The following MKLN1 variants were observed in gnomAD, a reference collection of about 807,000 sequenced individuals.
The protein encoded by MKLN1 is muskelin.
In MKLN1, 18 loss-of-function variants were observed where a neutral mutation model predicts 99.0. That is an observed-to-expected ratio of 0.18 (90% confidence interval 0.13 to 0.27). MKLN1 has a LOEUF of 0.27. MKLN1 is among the 10% of genes least tolerant of loss of function. MKLN1 has a pLI of 1.00. For synonymous variants in MKLN1, 288 were observed against 293.2 expected, an observed-to-expected ratio of 0.98 and a Z score of 0.18; for missense variants, 621 against 875.9, an observed-to-expected ratio of 0.71 and a Z score of 3.67.
Position 131,418,907 on chromosome 7 carries a change from T to C in MKLN1, c.847+4197T>C, listed in dbSNP as rs1039727648. Among the ~76,000 whole-genome samples, 5 of 152,152 alleles carry C rather than the reference T, an allele frequency of 3.3e-5. No homozygotes were observed. In the South Asian group the frequency reaches 1.0e-3, roughly 32 times the overall value. On this transcript the variant is annotated intron_variant, in intron 8 of 17. Coordinates refer to ENST00000352689, the MANE Select transcript of MKLN1 (RefSeq NM_013255.5). Reference sequence around the variant, plus strand: ...GAAAAGCTCTGAACTTTCACAAGACTGAAATTATGGTTCAGGTTAAATTAA... The same window carrying C: ...GAAAAGCTCTGAACTTTCACAAGACCGAAATTATGGTTCAGGTTAAATTAA...
intron 1 of MKLN1, among the ~76,000 whole-genome samples, chr7:131,352,429 AT>A (rs1413086080): frequency 2.0e-5 from 3 of 152,118 alleles, no homozygotes; most frequent in African/African-American, 4.8e-5. Flanking sequence ...TAGGAAATAA[AT>A]TTTTTTAAGA....
chr7:131,152,705 G>A (rs749731748), intron 2 of MKLN1, among the ~76,000 whole-genome samples: 8 of 151,520 alleles, frequency 5.3e-5, no homozygotes, highest in Non-Finnish European at 1.0e-4. Flanking sequence ...TCACCATGTT[G>A]GCCAGGGTGC....
At chr7:131,273,617 CTT>C (rs35752769) in intron 3 of MKLN1, among the ~76,000 whole-genome samples, 6,135 of 148,658 alleles carry the variant, frequency 0.041, 265 homozygotes, top group African/African-American at 0.11. Flanking sequence ...CTATGGCTGA[CTT>C]TTTTTTTCCT....
At chr7:131,194,273 C>T (rs886881233) in intron 2 of MKLN1, among the ~76,000 whole-genome samples, 8 of 152,126 alleles carry the variant, frequency 5.3e-5, no homozygotes, top group East Asian at 1.9e-4. Flanking sequence ...ATGTCCATTA[C>T]GCAATTGCTT....
At chr7:131,387,521 T>C (rs1032157345) in intron 3 of MKLN1, among the ~76,000 whole-genome samples, 1 of 152,194 alleles carries the variant, frequency 6.6e-6, no homozygotes, top group Non-Finnish European at 1.5e-5. Flanking sequence ...TTTAACTGTA[T>C]TTTTGAGCTG....
intron 9 of MKLN1, among the ~76,000 whole-genome samples, chr7:131,434,324 A>G (rs1237131192): frequency 2.0e-5 from 3 of 152,160 alleles, no homozygotes; most frequent in African/African-American, 4.8e-5. Context: ...CGTTAACTTG[A>G]TATCAGTGTA....
intron 16 of MKLN1, among the ~76,000 whole-genome samples, chr7:131,476,898 A>G (rs1240820581): frequency 6.6e-6 from 1 of 152,242 alleles, no homozygotes; most frequent in Non-Finnish European, 1.5e-5. Flanking sequence ...CAAATGGATC[A>G]GTACAACAGA....
intron 13 of MKLN1, among the ~76,000 whole-genome samples, chr7:131,463,695 G>A (rs181333484): frequency 1.5e-4 from 23 of 152,282 alleles, no homozygotes; most frequent in South Asian, 6.2e-4. Flanking sequence ...TTCATAAAAC[G>A]AAGAGGCTTG....
chr7:131,304,144 C>T (rs750320991), intron 3 of MKLN1, among the ~76,000 whole-genome samples: 1 of 152,130 alleles, frequency 6.6e-6, no homozygotes, highest in East Asian at 1.9e-4. Flanking sequence ...AAGGCTGAGG[C>T]GGGAGGATCT....
At chr7:131,405,770 A>G (rs983235692) in intron 6 of MKLN1, among the ~76,000 whole-genome samples, 3 of 152,158 alleles carry the variant, frequency 2.0e-5, no homozygotes, top group African/African-American at 7.2e-5. Flanking sequence ...ATAATTGCAT[A>G]GGGGCCAGAG....
In MKLN1 at chr7:131,255,007, TCAGCCTC is replaced by T. The variant is rs961957397; in HGVS notation, c.-179+52037_-179+52043del. Among the ~76,000 whole-genome samples the T allele has an allele frequency of 1.4e-4, 21 of 152,214 alleles. 1 individual carries two copies. Among genetic ancestry groups the T allele is most frequent in the African/African-American group, 5.1e-4 (21 of 41,544 alleles). ...CCTGGGCTCAAGGGATCCTCCTTCC[TCAGCCTC>T]CAGAGCTGGGAATACAGGCATGTGC... On this transcript the variant is annotated intron_variant, in intron 3 of 7. Coordinates refer to the MKLN1 transcript ENST00000416992.
At chr7:131,464,957 G>A (rs1200245398) in intron 14 of MKLN1, among the ~76,000 whole-genome samples, 2 of 152,186 alleles carry the variant, frequency 1.3e-5, no homozygotes, top group East Asian at 3.9e-4. Context: ...ATTGGACTTA[G>A]ATTACATAGT....
At chr7:131,394,202 G>T (rs1214356705) in intron 4 of MKLN1, among the ~76,000 whole-genome samples, 1 of 151,918 alleles carries the variant, frequency 6.6e-6, no homozygotes, top group Non-Finnish European at 1.5e-5. Flanking sequence ...AAACAGAAAG[G>T]CATATTAAAT....
chr7:131,354,468 T>C (rs1006385178), intron 1 of MKLN1, among the ~76,000 whole-genome samples: 1 of 151,408 alleles, frequency 6.6e-6, no homozygotes, highest in Admixed American at 6.6e-5. Flanking sequence ...GTTGATCTTA[T>C]ATCCTGCAAC....
intron 2 of MKLN1, among the ~76,000 whole-genome samples, chr7:131,173,659 CA>C (rs1204637117): frequency 6.6e-6 from 1 of 152,116 alleles, no homozygotes; most frequent in East Asian, 1.9e-4. Flanking sequence ...GTGGAGGTTG[CA>C]GTGAGTTGAG....
chr7:131,416,525 CT>C (rs71529704), intron 8 of MKLN1, among the ~76,000 whole-genome samples: 159 of 144,350 alleles, frequency 1.1e-3, no homozygotes, highest in Admixed American at 2.1e-3. Flanking sequence ...ATTTTTCTTT[CT>C]TTTTTTTTTT....
intron 1 of MKLN1, among the ~76,000 whole-genome samples, chr7:131,356,050 A>G (rs1799868197): frequency 6.6e-6 from 1 of 151,000 alleles, no homozygotes; most frequent in African/African-American, 2.4e-5. Flanking sequence ...TATACCTCCC[A>G]ATAGTTCCCC....
At chr7:131,152,673 T>C (rs866596770) in intron 2 of MKLN1, among the ~76,000 whole-genome samples, 2 of 151,840 alleles carry the variant, frequency 1.3e-5, no homozygotes, top group Non-Finnish European at 2.9e-5. Flanking sequence ...CTAATTTTTA[T>C]ATTTTTAGTA....
intron 12 of MKLN1, among the ~76,000 whole-genome samples, chr7:131,449,878 A>G (rs760897899): frequency 3.9e-5 from 6 of 152,178 alleles, no homozygotes; most frequent in Non-Finnish European, 8.8e-5. Context: ...ACATTTGTAA[A>G]TGACCCAAAT....
Sources: allele counts gnomAD v4.1 joint callset (sites outside exome capture counted in the v4.1 genomes callset), GRCh38; gene constraint gnomAD v4.1.1; transcripts MANE v1.5; gene names NCBI Gene and HGNC (gene_info 2026-07-23, HGNC 2026-07-21).